SLC26A4: variants seen among roughly 807,000 people sequenced by gnomAD.
SLC26A4 encodes the protein solute carrier family 26 member 4.
SLC26A4 carries 93 observed loss-of-function variants against 90.4 expected under a neutral mutation model. The ratio of observed to expected loss-of-function variants is 1.03; its 90% CI spans 0.87 to 1.22. The LOEUF (loss-of-function observed/expected upper bound fraction) is 1.22, where lower values mean the gene tolerates loss of function less well. SLC26A4 is among the 50% of genes most tolerant of loss of function. SLC26A4 has a pLI of 0.00. For synonymous variants in SLC26A4, 393 were observed against 354.6 expected, an observed-to-expected ratio of 1.11 and a Z score of -1.22; for missense variants, 1,127 against 946.2, an observed-to-expected ratio of 1.19 and a Z score of -2.51.
At chr7:107,708,180 C>G (rs981631864) in intron 18 of SLC26A4, among the ~76,000 whole-genome samples, 14 of 152,200 alleles carry the variant, frequency 9.2e-5, no homozygotes, top group African/African-American at 3.4e-4. Context: ...TTTAGAAAAA[C>G]TTATAAATAA....
At chr7:107,703,521 TTTG>T (rs1309315212) in intron 17 of SLC26A4, among the ~76,000 whole-genome samples, 1 of 152,232 alleles carries the variant, frequency 6.6e-6, no homozygotes, top group Non-Finnish European at 1.5e-5. Context: ...ACTCTTGTTC[TTTG>T]TTGTACATTT....
chr7:107,700,047 A>G (rs752310382), intron 14 of SLC26A4, 36 bp from the exon 15 acceptor site: 11 of 1,199,038 alleles, frequency 9.2e-6, no homozygotes, highest in Non-Finnish European at 1.2e-5. Flanking sequence ...TGAGGCTTGA[A>G]ATTATTTAAT....
intron 4 of SLC26A4, among the ~76,000 whole-genome samples, chr7:107,673,278 G>A (rs550689013): frequency 1.3e-5 from 2 of 151,816 alleles, no homozygotes; most frequent in African/African-American, 4.8e-5. Flanking sequence ...CGGAGCAATT[G>A]CTGAAAAAAA....
chr7:107,694,312 G>C, intron 10 of SLC26A4, 91 bp from the exon 11 acceptor site: 1 of 928,198 alleles, frequency 1.1e-6, no homozygotes, highest in East Asian at 2.4e-5. Context: ...AAGTGTGTCT[G>C]TGAACAGGCT....
intron 10 of SLC26A4, chr7:107,691,975 A>G (rs934427951): frequency 4.5e-5 from 58 of 1,288,578 alleles, no homozygotes; most frequent in Non-Finnish European, 5.9e-5. Flanking sequence ...CAAGCTCTCC[A>G]GAGCACATGG....
At chr7:107,683,039 C>A (rs1186439401) in intron 6 of SLC26A4, among the ~76,000 whole-genome samples, 163 bp from the exon 7 acceptor site, 2 of 152,090 alleles carry the variant, frequency 1.3e-5, no homozygotes, top group Non-Finnish European at 2.9e-5. Flanking sequence ...TCAACCAACA[C>A]ATTTTTATCA....
At position 107,694,616 on chromosome 7, in the gene SLC26A4, G is replaced by A. The variant is rs1167159719; in HGVS notation, c.1342-5G>A. The A allele has an allele frequency of 6.2e-7, 1 of 1,607,906 alleles. No individual in the cohort carries two copies. Among genetic ancestry groups the A allele is most frequent in the Non-Finnish European group, 8.5e-7 (1 of 1,174,416 alleles). The stretch of plus-strand genomic sequence containing the variant: ...TAACACAGCCTTCTCTGTCTCTCTT[G>A]GCAGTCGGTCTTGGCAGCTGTTGTA... On this transcript the variant is annotated splice_polypyrimidine_tract_variant and splice_region_variant and intron_variant, in intron 11 of 20. Transcript: ENST00000644269.
Position 107,700,171 on chromosome 7 carries a change from C to A in SLC26A4, c.1703C>A (p.Ser568Tyr). 4.7e-6 allele frequency: 7 copies of A among 1,490,036 alleles called. No homozygotes were observed. Among genetic ancestry groups the A allele is most frequent in the Non-Finnish European group, 4.7e-6 (5 of 1,066,952 alleles). The allele number at this position is 1,490,036 out of a possible 1,614,324, so 92.3% of individuals were successfully genotyped here. Residue 568 changes from serine (S) to tyrosine (Y), a missense_variant, in exon 15 of 21, where the codon TCC (serine) becomes TAC (tyrosine). Ser to Tyr is a moderately radical substitution (Grantham distance 144, BLOSUM62 -2). Coordinates refer to ENST00000644269, the MANE Select transcript of SLC26A4 (RefSeq NM_000441.2). Reference protein sequence around the residue: ...NVDGFKKCIKSTVGFDAIRVY... With the variant: ...NVDGFKKCIKYTVGFDAIRVY... Reference sequence around the variant, plus strand: ...GATGGTTTTAAAAAATGTATCAAGTCCACAGTAAGTATTTTATCCCTAGAA... The same window carrying A: ...GATGGTTTTAAAAAATGTATCAAGTACACAGTAAGTATTTTATCCCTAGAA...
chr7:107,684,364 G>C (rs576041681), intron 8 of SLC26A4, among the ~76,000 whole-genome samples: 1 of 152,290 alleles, frequency 6.6e-6, no homozygotes, highest in East Asian at 1.9e-4. Flanking sequence ...ACCAGGAAAG[G>C]GAGTGGAGGG....
chr7:107,702,003 T>C lies in SLC26A4; in HGVS notation c.1980T>C (p.Leu660=), dbSNP rs2129318275. 1 of 1,614,098 alleles carries C rather than the reference T, an allele frequency of 6.2e-7. No homozygotes were observed. The highest frequency in any genetic ancestry group is 1.3e-5 in the African/African-American group (1 of 75,044). The part of the protein sequence containing the change: ...VPKVPIHSLV[L]DCGAISFLDV... Reference sequence around the variant, plus strand: ...AAGTGCCAATCCATAGCCTTGTGCTTGACTGTGGAGCTATATCTTTCCTGG... The same window carrying C: ...AAGTGCCAATCCATAGCCTTGTGCTCGACTGTGGAGCTATATCTTTCCTGG... The change falls in exon 17 of 21, where the codon CTT becomes CTC. Residue 660 remains leucine (L), a synonymous_variant. Transcript: ENST00000644269.
intron 18 of SLC26A4, among the ~76,000 whole-genome samples, chr7:107,707,995 A>T (rs1288427172): frequency 1.3e-5 from 2 of 152,230 alleles, no homozygotes; most frequent in East Asian, 3.8e-4. Context: ...GCACAAGAAG[A>T]GTTATATTGA....
intron 19 of SLC26A4, among the ~76,000 whole-genome samples, chr7:107,712,002 C>A (rs531986124): frequency 6.6e-6 from 1 of 152,194 alleles, no homozygotes; most frequent in Non-Finnish European, 1.5e-5. Context: ...CCAAAATTGT[C>A]GTTGGTTTCC....
intron 4 of SLC26A4, among the ~76,000 whole-genome samples, chr7:107,673,452 C>T (rs1013140808): frequency 2.0e-5 from 3 of 151,842 alleles, no homozygotes; most frequent in African/African-American, 7.3e-5. Context: ...GAGATCAGGA[C>T]ATTGGACACT....
rs993001535 is a variant in SLC26A4, at chr7:107,661,181, C to T, written c.-4+326C>T. 4 of 205,326 alleles carry T rather than the reference C, an allele frequency of 1.9e-5. No individual in the cohort carries two copies. The highest frequency in any genetic ancestry group is 3.0e-5 in the Non-Finnish European group (3 of 100,880). The allele number at this position is 205,326 out of a possible 1,614,324, so 12.7% of individuals were successfully genotyped here. ...GGGGGTCTGCACCTCTCCTCCAGTG[C>T]GCACCTGGAGCTGCGTCCCGGGTCA... On this transcript the variant is annotated intron_variant, in intron 1 of 20. Transcript: ENST00000644269. The surrounding 1 kb of genome is among the most constrained non-coding windows in gnomAD (Gnocchi z 5.1).
intron 10 of SLC26A4, among the ~76,000 whole-genome samples, chr7:107,694,042 G>A (rs928349125): frequency 3.9e-5 from 6 of 152,136 alleles, no homozygotes; most frequent in Admixed American, 1.3e-4. Flanking sequence ...GTTGGGAAAG[G>A]GGGGATTGGT....
intron 19 of SLC26A4, among the ~76,000 whole-genome samples, chr7:107,710,642 A>C (rs1252167729): frequency 6.6e-6 from 1 of 152,238 alleles, no homozygotes; most frequent in African/African-American, 2.4e-5. Flanking sequence ...AAATTTAAAA[A>C]TCAAGCCACA....
At chr7:107,688,082 A>G (rs1310078835) in intron 8 of SLC26A4, among the ~76,000 whole-genome samples, 1 of 152,156 alleles carries the variant, frequency 6.6e-6, no homozygotes, top group Non-Finnish European at 1.5e-5. Flanking sequence ...ACCTGGACCC[A>G]CTAACTGACA....
rs2129315838 is a variant in SLC26A4, at chr7:107,689,210, C to G, written c.1149+10C>G. 6.2e-7 allele frequency: 1 copy of G among 1,613,220 alleles called. No homozygotes were observed. The highest frequency in any genetic ancestry group is 8.5e-7 in the Non-Finnish European group (1 of 1,179,468). On this transcript the variant is annotated intron_variant, in intron 9 of 20. Transcript: ENST00000644269. Reference sequence around the variant, plus strand: ...CATCGATGGGAACCAGGTATGGGTGCCCTTTTGCTGAACTGGTTTTATAGG... The same window carrying G: ...CATCGATGGGAACCAGGTATGGGTGGCCTTTTGCTGAACTGGTTTTATAGG...
At chr7:107,701,780 G>T in intron 16 of SLC26A4, 47 bp from the exon 17 acceptor site, 3 of 1,241,940 alleles carry the variant, frequency 2.4e-6, no homozygotes, top group East Asian at 2.3e-5. Context: ...ATGGTTGAAA[G>T]ATTTCAAATC....
Sources: gnomAD v4.1 joint callset for allele counts (sites outside exome capture counted in the v4.1 genomes callset) on GRCh38, gnomAD v4.1.1 for gene constraint, Gnocchi (gnomAD v3.1) non-coding constraint, MANE v1.5 for transcripts, NCBI Gene and HGNC (gene_info 2026-07-23, HGNC 2026-07-21) for gene names.